Variants in RAD51B observed in about 807,000 individuals in gnomAD.
RAD51B encodes the protein DNA repair protein RAD51 homolog 2.
A neutral mutation model predicts 42.2 loss-of-function variants in RAD51B; 38 were observed. The ratio of observed to expected loss-of-function variants is 0.90; its 90% CI spans 0.70 to 1.18. RAD51B has a LOEUF of 1.18. RAD51B is among the 50% of genes most tolerant of loss of function. The probability of loss-of-function intolerance (pLI) is 0.00; values close to 1 mark genes in which losing one functional copy is unlikely to be tolerated. For missense variants in RAD51B, 373 were observed against 400.7 expected, an observed-to-expected ratio of 0.93 and a Z score of 0.59; for synonymous variants, 154 against 145.2, an observed-to-expected ratio of 1.06 and a Z score of -0.43.
chr14:68,174,276 C>T (rs1362309620), intron 7 of RAD51B, among the ~76,000 whole-genome samples: 1 of 151,866 alleles, frequency 6.6e-6, no homozygotes, highest in South Asian at 2.1e-4. Context: ...GTGCCAGCTA[C>T]TCAGGTGGGA....
intron 7 of RAD51B, among the ~76,000 whole-genome samples, chr14:67,932,999 C>T (rs2044797618): frequency 6.6e-6 from 1 of 152,132 alleles, no homozygotes; most frequent in South Asian, 2.1e-4. Context: ...AGCACAGAGA[C>T]CACTCCATTG....
In RAD51B at chr14:68,225,083, T is replaced by A. The variant is rs1281769752; in HGVS notation, c.757-66801T>A. Among the ~76,000 whole-genome samples, 3 of 152,126 alleles carry A rather than the reference T, an allele frequency of 2.0e-5. No homozygotes were observed. In the East Asian group the frequency reaches 5.8e-4, roughly 29 times the overall value. ...TAAGAAAAAAATTTAGACATACAAG[T>A]GTGCAATTTAGAGAAACTTTTTTTC... On this transcript the variant is annotated intron_variant, in intron 7 of 10. Coordinates refer to ENST00000471583, the MANE Select transcript of RAD51B (RefSeq NM_133510.4).
chr14:68,578,381 A>G (rs1890060163), intron 10 of RAD51B, among the ~76,000 whole-genome samples: 1 of 152,210 alleles, frequency 6.6e-6, no homozygotes, highest in Non-Finnish European at 1.5e-5. Context: ...ATTGCACTCC[A>G]GCTTGGGCAA....
intron 7 of RAD51B, among the ~76,000 whole-genome samples, chr14:68,040,969 T>A (rs1374123384): frequency 1.3e-5 from 2 of 152,184 alleles, no homozygotes; most frequent in African/African-American, 4.8e-5. Flanking sequence ...GGTTGTTCTG[T>A]GATCTGGTTT....
intron 7 of RAD51B, among the ~76,000 whole-genome samples, chr14:68,221,406 T>A (rs755255601): frequency 2.6e-5 from 4 of 152,114 alleles, no homozygotes; most frequent in Non-Finnish European, 4.4e-5. Flanking sequence ...AGCCAACCGA[T>A]CTTTGACAAA....
At chr14:68,138,389 A>G (rs187624306) in intron 7 of RAD51B, among the ~76,000 whole-genome samples, 8 of 152,330 alleles carry the variant, frequency 5.3e-5, no homozygotes, top group Non-Finnish European at 8.8e-5. Context: ...TTTTAACAGC[A>G]AAGGCTCCTA....
intron 10 of RAD51B, among the ~76,000 whole-genome samples, chr14:68,523,576 A>G (rs1342790898): frequency 6.6e-6 from 1 of 152,194 alleles, no homozygotes; most frequent in Non-Finnish European, 1.5e-5. Context: ...AACTGGATAG[A>G]GGAGCTTTCT....
At position 68,559,349 on chromosome 14, in the gene RAD51B, G is replaced by A. The variant is rs150977594; in HGVS notation, c.1037-35136G>A. 1.6e-3 allele frequency among the ~76,000 whole-genome samples: 241 copies of A among 151,096 alleles called. 2 individuals carry two copies. The highest frequency in any genetic ancestry group is 5.5e-3 in the African/African-American group (226 of 41,178). On this transcript the variant is annotated intron_variant, in intron 10 of 10. Transcript: ENST00000487270. ...CATATGACACGATATGAATTTGTAA[G>A]TCATTAACCTGTGATTAATACACAT... is the stretch of plus-strand genomic sequence containing the variant.
At chr14:68,315,909 T>C (rs963726123) in intron 8 of RAD51B, among the ~76,000 whole-genome samples, 4 of 152,206 alleles carry the variant, frequency 2.6e-5, no homozygotes, top group African/African-American at 9.7e-5. Context: ...TGAAGAAATG[T>C]GAATATTAAC....
At chr14:68,597,789 C>T (rs1891062634), downstream of RAD51B, among the ~76,000 whole-genome samples, 1 of 104,714 alleles carries the variant, frequency 9.5e-6, no homozygotes. Context: ...ACCCTCCAAA[C>T]CTAAAATACA....
chr14:68,387,907 A>T (rs540189645), intron 8 of RAD51B, among the ~76,000 whole-genome samples: 6 of 152,030 alleles, frequency 3.9e-5, no homozygotes, highest in Non-Finnish European at 7.4e-5. Flanking sequence ...AAAACATAAA[A>T]TGTCTTAATT....
chr14:68,192,144 T>C (rs1216796657), intron 7 of RAD51B, among the ~76,000 whole-genome samples: 4 of 152,232 alleles, frequency 2.6e-5, no homozygotes, highest in Non-Finnish European at 5.9e-5. Flanking sequence ...GCCAAGGTCA[T>C]GTATTGAGTG....
chr14:68,508,152 C>T (rs1885472609), intron 10 of RAD51B, among the ~76,000 whole-genome samples: 1 of 152,164 alleles, frequency 6.6e-6, no homozygotes. Context: ...AGGCTCTGTT[C>T]TGGTCCAGTG....
intron 3 of RAD51B, among the ~76,000 whole-genome samples, chr14:67,832,756 T>G (rs1258292623): frequency 6.6e-6 from 1 of 152,178 alleles, no homozygotes; most frequent in Non-Finnish European, 1.5e-5. Flanking sequence ...GCTGATGTTA[T>G]TTGCTCCATA....
chr14:68,021,996 G>A (rs1195385718), intron 7 of RAD51B, among the ~76,000 whole-genome samples: 1 of 152,110 alleles, frequency 6.6e-6, no homozygotes, highest in Non-Finnish European at 1.5e-5. Flanking sequence ...CAACAATGAA[G>A]TTTGTTGATT....
intron 9 of RAD51B, among the ~76,000 whole-genome samples, chr14:68,429,221 ACATGTGT>A (rs897256712): frequency 8.5e-5 from 13 of 152,132 alleles, no homozygotes; most frequent in African/African-American, 3.1e-4. Context: ...ACATACGTGT[ACATGTGT>A]CTTTATAGCA....
At chr14:68,300,058 G>A (rs2081694993) in intron 8 of RAD51B, among the ~76,000 whole-genome samples, 1 of 152,010 alleles carries the variant, frequency 6.6e-6, no homozygotes, top group African/African-American at 2.4e-5. Context: ...TTCTTATAAG[G>A]GGCTATATAT....
chr14:68,144,912 A>G (rs367770690), intron 7 of RAD51B, among the ~76,000 whole-genome samples: 1 of 152,226 alleles, frequency 6.6e-6, no homozygotes, highest in East Asian at 1.9e-4. Context: ...AGATAACACT[A>G]CAAAGCCATT....
chr14:68,060,734 A>C (rs999146364), intron 7 of RAD51B, among the ~76,000 whole-genome samples: 2 of 152,000 alleles, frequency 1.3e-5, no homozygotes, highest in Non-Finnish European at 2.9e-5. Context: ...GTAATAGGGG[A>C]AAAAATGCTT....
Sources: allele counts gnomAD v4.1 joint callset (sites outside exome capture counted in the v4.1 genomes callset), GRCh38; gene constraint gnomAD v4.1.1; transcripts MANE v1.5; gene names NCBI Gene and HGNC (gene_info 2026-07-23, HGNC 2026-07-21).